The following NAA16 variants were observed in gnomAD, a reference collection of about 807,000 sequenced individuals.
NAA16 encodes the protein N-alpha-acetyltransferase 16, NatA auxiliary subunit.
In NAA16, 97 loss-of-function variants were observed where a neutral mutation model predicts 110.3. The ratio of observed to expected loss-of-function variants is 0.88; its 90% CI spans 0.75 to 1.04. NAA16 has a LOEUF of 1.04. NAA16 is among the 50% of genes least tolerant of loss of function. NAA16 has a pLI of 0.00. For synonymous variants in NAA16, 372 were observed against 330.6 expected (o/e 1.13, Z -1.36); for missense variants, 1,017 against 1,005.1 (o/e 1.01, Z -0.16).
intron 14 of NAA16, among the ~76,000 whole-genome samples, chr13:41,367,963 C>A (rs757951156): frequency 1.3e-5 from 2 of 152,026 alleles, no homozygotes; most frequent in African/African-American, 2.4e-5. Flanking sequence ...TTTGGGAGGC[C>A]AAGGCAGGCA....
At position 41,362,288 on chromosome 13, in the gene NAA16, T is replaced by C. The variant is rs1317801061; in HGVS notation, c.1539+129T>C. 4 of 917,974 alleles carry C rather than the reference T, an allele frequency of 4.4e-6. No homozygotes were observed. The African/African-American group carries it at 6.8e-5, about 16-fold the overall frequency. The allele number at this position is 917,974 out of a possible 1,614,324, so 56.9% of individuals were successfully genotyped here. ...CATTGTGAAAAAAATTCTTGATCTT[T>C]AACCTTTACATTCAGAAGTTGTAAA... On this transcript the variant is annotated intron_variant, in intron 13 of 19. Transcript: ENST00000379406.
At chr13:41,318,252 C>G (rs1171716209) in intron 2 of NAA16, among the ~76,000 whole-genome samples, 2 of 150,802 alleles carry the variant, frequency 1.3e-5, no homozygotes, top group Non-Finnish European at 2.9e-5. Context: ...GTTGCCCAGG[C>G]TGGAGTACAG....
chr13:41,367,711 G>A (rs541168632), intron 14 of NAA16, 59 bp downstream of exon 14: 105 of 1,099,276 alleles, frequency 9.6e-5, no homozygotes, highest in South Asian at 5.4e-4. Context: ...AATGCCATTA[G>A]CGTAAACAAT....
chr13:41,331,145 C>G (rs1289309596), intron 7 of NAA16, 129 bp from the exon 8 acceptor site: 1 of 534,132 alleles, frequency 1.9e-6, no homozygotes, highest in Admixed American at 3.4e-5. Flanking sequence ...TCATTTTTAC[C>G]AAAATTGAAA....
intron 9 of NAA16, among the ~76,000 whole-genome samples, chr13:41,350,611 T>G (rs1350759196): frequency 1.1e-4 from 6 of 55,378 alleles, no homozygotes; most frequent in East Asian, 5.0e-4. Context: ...TTTTTTGTTT[T>G]TTTTTTTTGT....
intron 9 of NAA16, among the ~76,000 whole-genome samples, chr13:41,349,093 T>G (rs1310449269): frequency 6.6e-6 from 1 of 152,196 alleles, no homozygotes; most frequent in Non-Finnish European, 1.5e-5. Context: ...TTGTTGACTT[T>G]CCTCCTCTAT....
chr13:41,342,552 C>G (rs1236991739), intron 9 of NAA16, among the ~76,000 whole-genome samples: 1 of 152,134 alleles, frequency 6.6e-6, no homozygotes, highest in East Asian at 1.9e-4. Context: ...GGTCTCAATC[C>G]TTCTGTTCCC....
chr13:41,359,190 G>C (rs1437017761), intron 12 of NAA16, among the ~76,000 whole-genome samples: 8 of 152,144 alleles, frequency 5.3e-5, no homozygotes, highest in Non-Finnish European at 1.0e-4. Context: ...ACAATAGCAA[G>C]AGCAAAATAT....
Position 41,375,795 on chromosome 13 carries a change from ATTC to A in NAA16, c.*196_*198del. ...AACCATCTGTTAAAATTACCTGTTT[ATTC>A]TTACACAGTTTTGTGGTAGCTCCGA... On this transcript the variant is annotated 3_prime_UTR_variant, in exon 20 of 20. Transcript: ENST00000379406. 4.1e-6 allele frequency: 2 copies of A among 482,272 alleles called. No homozygotes were observed. Among genetic ancestry groups the A allele is most frequent in the Non-Finnish European group, 7.3e-6 (2 of 275,106 alleles). The allele number at this position is 482,272 out of a possible 1,614,324, so 29.9% of individuals were successfully genotyped here.
At chr13:41,325,313 G>A (rs1458865120) in intron 5 of NAA16, among the ~76,000 whole-genome samples, 2 of 151,910 alleles carry the variant, frequency 1.3e-5, no homozygotes, top group Non-Finnish European at 2.9e-5. Flanking sequence ...TATTGTGGTG[G>A]TCTGGAACCA....
intron 13 of NAA16, among the ~76,000 whole-genome samples, chr13:41,363,527 T>A (rs1165719310): frequency 1.3e-5 from 2 of 152,198 alleles, no homozygotes; most frequent in African/African-American, 4.8e-5. Context: ...TTTGAGAATT[T>A]TTAGAATATG....
chr13:41,366,394 G>A (rs1042143527), intron 13 of NAA16, among the ~76,000 whole-genome samples: 6 of 152,146 alleles, frequency 3.9e-5, no homozygotes, highest in Admixed American at 3.9e-4. Flanking sequence ...ACATGAACTA[G>A]TAGGAAAGCT....
chr13:41,318,977 G>A, intron 3 of NAA16, 67 bp downstream of exon 3: 1 of 903,206 alleles, frequency 1.1e-6, no homozygotes, highest in South Asian at 2.1e-5. Flanking sequence ...AATTAAATTT[G>A]TACTATGAAA....
At chr13:41,312,802 A>G (rs547847825) in intron 1 of NAA16, among the ~76,000 whole-genome samples, 11 of 150,144 alleles carry the variant, frequency 7.3e-5, no homozygotes, top group Admixed American at 4.6e-4. Flanking sequence ...AATTTTAAAT[A>G]TTATGTGGTG....
chr13:41,373,848 C>G (rs2043373663), intron 18 of NAA16, 68 bp downstream of exon 18: 2 of 1,516,866 alleles, frequency 1.3e-6, no homozygotes, highest in Non-Finnish European at 1.8e-6. Context: ...CTTTGACACC[C>G]CCAAAATGTA....
chr13:41,333,942 A>G (rs1415317563), intron 8 of NAA16, among the ~76,000 whole-genome samples: 1 of 152,092 alleles, frequency 6.6e-6, no homozygotes, highest in Non-Finnish European at 1.5e-5. Context: ...TCTTTTTACA[A>G]AACAGGTCTC....
chr13:41,349,767 C>A lies in NAA16; in HGVS notation c.1015-5377C>A, dbSNP rs374454933. Among the ~76,000 whole-genome samples, 38 of 151,890 alleles carry A rather than the reference C, an allele frequency of 2.5e-4. No individual in the cohort carries two copies. The South Asian group carries it at 6.2e-3, about 25-fold the overall frequency. On this transcript the variant is annotated intron_variant, in intron 9 of 19. Coordinates refer to ENST00000379406, the MANE Select transcript of NAA16 (RefSeq NM_024561.5). ...ATTACCTGAGGTCAGGAGTTCATGA[C>A]CAGCCTGACCAACATGGTGAAACCC...
At chr13:41,373,875 C>T (rs2043374157) in intron 18 of NAA16, 95 bp downstream of exon 18, 2 of 1,465,330 alleles carry the variant, frequency 1.4e-6, no homozygotes, top group East Asian at 2.5e-5. Flanking sequence ...ATGAACAGTA[C>T]TGTGTGTAAG....
At chr13:41,348,322 C>G (rs1486567572) in intron 9 of NAA16, among the ~76,000 whole-genome samples, 2 of 152,150 alleles carry the variant, frequency 1.3e-5, no homozygotes, top group Non-Finnish European at 2.9e-5. Flanking sequence ...CGTGCACCAC[C>G]ATACCCAGCC....
Sources: gnomAD v4.1 joint callset for allele counts (sites outside exome capture counted in the v4.1 genomes callset) on GRCh38, gnomAD v4.1.1 for gene constraint, MANE v1.5 for transcripts, NCBI Gene and HGNC (gene_info 2026-07-23, HGNC 2026-07-21) for gene names.